RANBP2: variants seen among roughly 807,000 people sequenced by gnomAD.
The protein encoded by RANBP2 is E3 SUMO-protein ligase RanBP2.
In RANBP2, 57 loss-of-function variants were observed where a neutral mutation model predicts 303.6. The observed-to-expected ratio is 0.19, with a 90% confidence interval of 0.15 to 0.23. The LOEUF (loss-of-function observed/expected upper bound fraction) is 0.23. RANBP2 is among the 10% of genes least tolerant of loss of function. The pLI is 1.00. For synonymous variants in RANBP2, 1,167 were observed against 1,301.5 expected, an observed-to-expected ratio of 0.90 and a Z score of 2.23; for missense variants, 3,138 against 3,780.8, an observed-to-expected ratio of 0.83 and a Z score of 4.46.
chr2:108,838,583 C>T, the RANBP2 span, among the ~76,000 whole-genome samples: 2,001 of 152,134 alleles, frequency 0.013, 64 homozygotes, highest in South Asian at 0.082. Flanking sequence ...GTCCTGAAAT[C>T]ATTTAGCAAA....
chr2:108,781,109 T>A (rs1005517994), intron 25 of RANBP2, among the ~76,000 whole-genome samples, 160 bp from the exon 26 acceptor site: 4 of 152,158 alleles, frequency 2.6e-5, no homozygotes, highest in African/African-American at 7.2e-5. Flanking sequence ...AGTGCTGGGA[T>A]TACAGGCGTG....
chr2:109,596,017 T>C, the RANBP2 span, among the ~76,000 whole-genome samples: 2 of 152,198 alleles, frequency 1.3e-5, no homozygotes, highest in Admixed American at 1.3e-4. Context: ...TTGTCAAGTA[T>C]AGAACTTTAA....
intron 28 of RANBP2, among the ~76,000 whole-genome samples, chr2:108,783,333 TAAAAAAAAAAAAAAAA>T (rs71381992): frequency 2.4e-5 from 1 of 41,456 alleles, no homozygotes; most frequent in Middle Eastern, 0.022. Flanking sequence ...AGCCTGTCAT[TAAAAAAAAAAAAAAAA>T]AAAAAAAAAA....
At chr2:109,046,422 T>C in the RANBP2 span, among the ~76,000 whole-genome samples, 6 of 151,450 alleles carry the variant, frequency 4.0e-5, no homozygotes, top group African/African-American at 9.7e-5. Flanking sequence ...TTTTTTTTTT[T>C]TGAGATGGAG....
the RANBP2 span, among the ~76,000 whole-genome samples, chr2:109,340,515 C>T: frequency 2.1e-3 from 325 of 152,260 alleles, 1 homozygote; most frequent in Non-Finnish European, 1.9e-3. Context: ...GCTGGAGGGG[C>T]GGTCCTCAGT....
rs376362363 is a variant in RANBP2 at position 108,763,771 on chromosome 2, G to A, written c.3232G>A (p.Gly1078Arg). 1.3e-5 allele frequency: 21 copies of A among 1,614,114 alleles called. No individual in the cohort carries two copies. The highest frequency in any genetic ancestry group is 1.8e-5 in the Non-Finnish European group (21 of 1,179,978). ...CCTGACTTCAGATAAACCCTTGCAA[G>A]GAGATGGCTATAGTGGAGCCAAACC... is the stretch of plus-strand genomic sequence containing the variant. ...GLLTSDKPLQ[G>R]DGYSGAKPIP... is the part of the protein sequence containing the mutation. Residue 1078 changes from glycine to arginine, a missense_variant, in exon 20 of 29, where the codon GGA becomes AGA. By Grantham distance (125) the Gly-to-Arg change is moderately radical (BLOSUM62 -2). Around this residue, in one of 20 missense-constraint regions of RANBP2, gnomAD observed 403 missense variants for 376.7 expected, o/e 1.07. Transcript: ENST00000283195.
chr2:108,832,875 C>T, the RANBP2 span, among the ~76,000 whole-genome samples: 5 of 152,052 alleles, frequency 3.3e-5, no homozygotes, highest in African/African-American at 1.2e-4. Flanking sequence ...AGTGGAGTCA[C>T]CTGCTGTTCT....
At chr2:109,266,687 G>A in the RANBP2 span, among the ~76,000 whole-genome samples, 1 of 152,102 alleles carries the variant, frequency 6.6e-6, no homozygotes, top group Non-Finnish European at 1.5e-5. Context: ...CTCAGCCACA[G>A]ATTGGGAAGG....
At chr2:108,927,750 G>A in the RANBP2 span, among the ~76,000 whole-genome samples, 1 of 152,026 alleles carries the variant, frequency 6.6e-6, no homozygotes, top group Non-Finnish European at 1.5e-5. Flanking sequence ...TCTAGGTCTG[G>A]ATGTCCCATA....
chr2:109,090,617 C>T, the RANBP2 span, among the ~76,000 whole-genome samples: 2 of 152,040 alleles, frequency 1.3e-5, no homozygotes, highest in Middle Eastern at 3.4e-3. Flanking sequence ...CATTTTAATC[C>T]CAGTTCTGTC....
At chr2:108,904,779 G>A in the RANBP2 span, among the ~76,000 whole-genome samples, 2 of 152,168 alleles carry the variant, frequency 1.3e-5, no homozygotes, top group African/African-American at 4.8e-5. Context: ...TAGGAATGGA[G>A]AACAGATTAC....
At chr2:109,411,322 C>T in the RANBP2 span, among the ~76,000 whole-genome samples, 1 of 152,230 alleles carries the variant, frequency 6.6e-6, no homozygotes, top group East Asian at 1.9e-4. Flanking sequence ...AAAGGAGAGG[C>T]CCCTTTCCCT....
the RANBP2 span, among the ~76,000 whole-genome samples, chr2:109,242,528 G>A: frequency 6.6e-6 from 1 of 152,194 alleles, no homozygotes; most frequent in East Asian, 1.9e-4. Context: ...GGAGTGAATG[G>A]CAACAAGGCC....
the RANBP2 span, among the ~76,000 whole-genome samples, chr2:108,805,694 T>G: frequency 1.3e-5 from 2 of 151,918 alleles, no homozygotes; most frequent in African/African-American, 4.8e-5. Flanking sequence ...GCCACTGCAC[T>G]CCAGCCTGGG....
the RANBP2 span, among the ~76,000 whole-genome samples, chr2:109,433,666 T>C: frequency 6.6e-6 from 1 of 152,202 alleles, no homozygotes; most frequent in Non-Finnish European, 1.5e-5. Context: ...TCGGGACACA[T>C]GCGGTGTTGA....
At chr2:109,021,649 C>T in the RANBP2 span, among the ~76,000 whole-genome samples, 7 of 151,860 alleles carry the variant, frequency 4.6e-5, no homozygotes, top group East Asian at 5.8e-4. Flanking sequence ...TGGGCATCGA[C>T]AGACGTTGGA....
At chr2:109,362,072 G>C in the RANBP2 span, among the ~76,000 whole-genome samples, 2 of 151,538 alleles carry the variant, frequency 1.3e-5, no homozygotes, top group African/African-American at 4.8e-5. Flanking sequence ...CAATTTCATT[G>C]ATTTCTTCTA....
the RANBP2 span, among the ~76,000 whole-genome samples, chr2:108,854,392 T>TTTTG: frequency 1.3e-5 from 2 of 151,872 alleles, no homozygotes; most frequent in African/African-American, 2.4e-5. Flanking sequence ...GGAAGGTCTT[T>TTTTG]TTTGTTTGTT....
At chr2:109,440,236 G>A in the RANBP2 span, among the ~76,000 whole-genome samples, 2 of 152,186 alleles carry the variant, frequency 1.3e-5, no homozygotes, top group Non-Finnish European at 2.9e-5. Flanking sequence ...CTGAAAGGTG[G>A]GTAGAGCTCA....
Sources: allele counts gnomAD v4.1 joint callset (sites outside exome capture counted in the v4.1 genomes callset), GRCh38; gene constraint gnomAD v4.1.1; regional missense constraint gnomAD v4.1.1; transcripts MANE v1.5; gene names NCBI Gene and HGNC (gene_info 2026-07-23, HGNC 2026-07-21).